Variants in CAP2 observed in about 807,000 individuals in gnomAD.
The protein encoded by CAP2 is cyclase associated actin cytoskeleton regulatory protein 2, also known as adenylyl cyclase-associated protein 2.
In CAP2, 24 loss-of-function variants were observed where a neutral mutation model predicts 57.7. That is an observed-to-expected ratio of 0.42 (90% CI 0.30 to 0.58). The LOEUF (loss-of-function observed/expected upper bound fraction) is 0.58, where lower values mean the gene tolerates loss of function less well. CAP2 is among the 20% of genes least tolerant of loss of function. The pLI is 0.22. For missense variants in CAP2, 501 were observed against 590.3 expected (o/e 0.85, Z 1.57); for synonymous variants, 194 against 207.2 (o/e 0.94, Z 0.55).
chr6:17,422,494 C>T (rs1260117633), intron 2 of CAP2, among the ~76,000 whole-genome samples: 6 of 151,678 alleles, frequency 4.0e-5, no homozygotes, highest in South Asian at 2.1e-4. Flanking sequence ...GGACTACAGG[C>T]GCCCGCCACC....
chr6:17,461,550 T>C (rs1359488292), intron 3 of CAP2, among the ~76,000 whole-genome samples: 1 of 150,942 alleles, frequency 6.6e-6, no homozygotes, highest in African/African-American at 2.4e-5. Context: ...TTTCTGCATT[T>C]AAAAAAAAAC....
At chr6:17,438,661 A>C (rs549311424) in intron 3 of CAP2, among the ~76,000 whole-genome samples, 5 of 147,168 alleles carry the variant, frequency 3.4e-5, no homozygotes, top group South Asian at 4.3e-4. Context: ...GGATGGTCTC[A>C]ATCTCCTGAC....
intron 4 of CAP2, among the ~76,000 whole-genome samples, chr6:17,506,190 C>T (rs1238370089): frequency 3.3e-5 from 5 of 152,160 alleles, no homozygotes; most frequent in Admixed American, 6.5e-5. Flanking sequence ...TGAGCCACCA[C>T]GCCCAGCCAG....
Position 17,507,676 on chromosome 6 carries a change from T to C in CAP2, c.480T>C (p.Asn160=). 5 of 1,611,870 alleles carry C rather than the reference T, an allele frequency of 3.1e-6. No individual in the cohort carries two copies. ...CTGGTCCTTATGTCAAGGAGATGAA[T>C]GACGCTGCCACCTTTTACACTAACA... ...PKPGPYVKEM[N]DAATFYTNRV... Residue 160 remains asparagine (N), a synonymous_variant, in exon 6 of 13, where the codon AAT becomes AAC. Coordinates refer to ENST00000229922, the MANE Select transcript of CAP2 (RefSeq NM_006366.3).
At chr6:17,432,077 G>A (rs1348794186) in intron 3 of CAP2, among the ~76,000 whole-genome samples, 1 of 152,140 alleles carries the variant, frequency 6.6e-6, no homozygotes, top group Non-Finnish European at 1.5e-5. Context: ...ACCAGTCTGT[G>A]CTTTCTGGTC....
In CAP2 at chr6:17,513,646, C is replaced by A. The variant is rs1249021752; in HGVS notation, c.531-203C>A. On this transcript the variant is annotated intron_variant, in intron 6 of 12. Transcript: ENST00000229922. The surrounding 1 kb of genome is among the most constrained non-coding windows in gnomAD (Gnocchi z 4.3). ...CCCGGAGCTCAGGGCATCCGGCCAC[C>A]TGCCGCCTCCCCTCAGGAGAGTACT... 6.6e-6 allele frequency among the ~76,000 whole-genome samples: 1 copy of A among 152,160 alleles called. No individual in the cohort carries two copies. Among genetic ancestry groups the A allele is most frequent in the Non-Finnish European group, 1.5e-5 (1 of 68,016 alleles).
intron 4 of CAP2, among the ~76,000 whole-genome samples, chr6:17,490,015 T>C (rs992975001): frequency 6.6e-6 from 1 of 152,132 alleles, no homozygotes. Flanking sequence ...ATCCCTCCTC[T>C]TACTTGACTG....
intron 3 of CAP2, among the ~76,000 whole-genome samples, chr6:17,454,930 A>C (rs1760516865): frequency 6.6e-6 from 1 of 152,160 alleles, no homozygotes; most frequent in South Asian, 2.1e-4. Flanking sequence ...CGTCACTTAA[A>C]AAAAATGCAA....
intron 11 of CAP2, among the ~76,000 whole-genome samples, chr6:17,550,394 CTTTTTTTTTTTTTTTTT>C (rs10557884): frequency 1.9e-5 from 1 of 52,012 alleles, no homozygotes; most frequent in Non-Finnish European, 3.4e-5. Flanking sequence ...CTACCCCTGC[CTTTTTTTTTTTTTTTTT>C]TTTTTTTTTT....
rs577192023 is a variant in CAP2, at chr6:17,480,488, A to G, written c.300+17415A>G. Among the ~76,000 whole-genome samples the G allele has an allele frequency of 5.3e-5, 8 of 152,278 alleles. No homozygotes were observed. In the East Asian group the frequency reaches 1.5e-3, roughly 29 times the overall value. ...CAAAAGATAAACCTAAACCTGGTAT[A>G]TTGTAATAAGGGCATTGTAATAAGT... On this transcript the variant is annotated intron_variant, in intron 4 of 12. Transcript: ENST00000229922.
At chr6:17,529,422 A>C (rs1762585168) in intron 7 of CAP2, among the ~76,000 whole-genome samples, 1 of 151,954 alleles carries the variant, frequency 6.6e-6, no homozygotes, top group African/African-American at 2.4e-5. Context: ...CAGGCGGATC[A>C]CGAGGTCAGG....
intron 4 of CAP2, among the ~76,000 whole-genome samples, chr6:17,504,608 T>C (rs1418922331): frequency 2.6e-5 from 4 of 152,156 alleles, no homozygotes; most frequent in South Asian, 4.1e-4. Flanking sequence ...TTAACCTCTC[T>C]GAGCTCGTAT....
intron 3 of CAP2, 57 bp downstream of exon 3, chr6:17,426,747 C>G (rs1410602175): frequency 1.1e-5 from 12 of 1,115,970 alleles, no homozygotes; most frequent in Admixed American, 1.7e-5. Flanking sequence ...AGCCCAGCCT[C>G]TGACAACGCT....
intron 7 of CAP2, chr6:17,531,217 A>C: frequency 5.2e-6 from 4 of 773,524 alleles, no homozygotes; most frequent in Admixed American, 5.1e-5. Context: ...GGGTACCCCC[A>C]TGCAGTGTAT....
At chr6:17,507,118 A>C (rs752312572) in intron 4 of CAP2, 51 bp from the exon 5 acceptor site, 1 of 1,603,836 alleles carries the variant, frequency 6.2e-7, no homozygotes, top group Non-Finnish European at 8.5e-7. Flanking sequence ...TAGAGGTGCT[A>C]TGCGTCTGCT....
intron 1 of CAP2, among the ~76,000 whole-genome samples, chr6:17,409,919 C>T (rs1759094088): frequency 6.6e-6 from 1 of 152,140 alleles, no homozygotes; most frequent in East Asian, 1.9e-4. Context: ...TTCCCAACTC[C>T]CCTCCCGGCC....
rs1231374262 is a variant in CAP2, at chr6:17,471,295, T to C, written c.300+8222T>C. 3.3e-5 allele frequency among the ~76,000 whole-genome samples: 5 copies of C among 152,342 alleles called. No individual in the cohort carries two copies. In the East Asian group the frequency reaches 9.6e-4, roughly 29 times the overall value. On this transcript the variant is annotated intron_variant, in intron 4 of 12. Coordinates refer to ENST00000229922, the MANE Select transcript of CAP2 (RefSeq NM_006366.3). ...CCATGATTAGTGCTGCTAAGTTCTG[T>C]TGTCAAGGGCCATATGACAGATAAC...
intron 4 of CAP2, among the ~76,000 whole-genome samples, chr6:17,466,308 T>G (rs1760863483): frequency 6.6e-6 from 1 of 152,204 alleles, no homozygotes; most frequent in African/African-American, 2.4e-5. Flanking sequence ...TGCATGACAG[T>G]TCCCTGGAGG....
chr6:17,458,363 G>A (rs1452109223), intron 3 of CAP2, among the ~76,000 whole-genome samples: 3 of 152,170 alleles, frequency 2.0e-5, no homozygotes, highest in Non-Finnish European at 4.4e-5. Flanking sequence ...ACTTATATCT[G>A]TTGTGTTAAT....
Sources: allele counts gnomAD v4.1 joint callset (sites outside exome capture counted in the v4.1 genomes callset), GRCh38; gene constraint gnomAD v4.1.1; non-coding constraint Gnocchi (gnomAD v3.1); transcripts MANE v1.5; gene names NCBI Gene and HGNC (gene_info 2026-07-23, HGNC 2026-07-21).